The following ACOX3 variants were observed in gnomAD, a reference collection of about 807,000 sequenced individuals.
ACOX3 encodes peroxisomal acyl-coenzyme A oxidase 3.
In ACOX3, 73 loss-of-function variants were observed where a neutral mutation model predicts 81.5. The ratio of observed to expected loss-of-function variants is 0.90; its 90% CI spans 0.74 to 1.09. ACOX3 has a LOEUF of 1.09. ACOX3 is among the 50% of genes least tolerant of loss of function. ACOX3 has a pLI of 0.00. For missense variants in ACOX3, 947 were observed against 928.0 expected, an observed-to-expected ratio of 1.02 and a Z score of -0.27; for synonymous variants, 387 against 375.1, an observed-to-expected ratio of 1.03 and a Z score of -0.37.
chr4:8,410,472 G>T, intron 5 of ACOX3, 117 bp from the exon 6 acceptor site: 2 of 1,338,390 alleles, frequency 1.5e-6, no homozygotes, highest in Non-Finnish European at 2.1e-6. Context: ...GGCAAGAGTT[G>T]AAACTAATCG....
At chr4:8,395,423 G>A (rs1210654974) in intron 9 of ACOX3, among the ~76,000 whole-genome samples, 1 of 149,914 alleles carries the variant, frequency 6.7e-6, no homozygotes, top group African/African-American at 2.5e-5. Flanking sequence ...TGGGTGGGTG[G>A]CTGGGTACAT....
chr4:8,438,793 T>A (rs1724396732), intron 1 of ACOX3: 1 of 152,192 alleles, frequency 6.6e-6, no homozygotes, highest in Non-Finnish European at 1.5e-5. Context: ...GTGTCTTAGA[T>A]CCATCACAGT....
Position 8,370,343 on chromosome 4 carries a change from C to T in ACOX3, c.1983+565G>A, listed in dbSNP as rs1487651023. ...TCGAGGAGGCTGGTGGAGGCTCCCT[C>T]AGGGGGGCGGCCTGACCCCATCTGC... On this transcript the variant is annotated intron_variant, in intron 17 of 17. Coordinates refer to ENST00000356406, the MANE Select transcript of ACOX3 (RefSeq NM_003501.3). This position sits in a 1 kb window ranked among gnomAD's most constrained non-coding sequence, Gnocchi z 6.3. 6.6e-6 allele frequency among the ~76,000 whole-genome samples: 1 copy of T among 151,982 alleles called. No individual in the cohort carries two copies. The highest frequency in any genetic ancestry group is 2.4e-5 in the African/African-American group (1 of 41,416).
In ACOX3 at chr4:8,431,674, G is replaced by A. The variant is rs888597712; in HGVS notation, c.-15+8974C>T. 8.5e-5 allele frequency among the ~76,000 whole-genome samples: 13 copies of A among 152,250 alleles called. No individual in the cohort carries two copies. The highest frequency in any genetic ancestry group is 3.1e-4 in the African/African-American group (13 of 41,468). ...GGAGCTGCACGTGGACCCCTAGTGTGAACAGTAGGGGTGGGGTGAGTGTCA... is the reference window on the plus strand; with the variant it reads ...GGAGCTGCACGTGGACCCCTAGTGTAAACAGTAGGGGTGGGGTGAGTGTCA... On this transcript the variant is annotated intron_variant, in intron 1 of 17. Transcript: ENST00000356406. The surrounding 1 kb of genome is among the most constrained non-coding windows in gnomAD (Gnocchi z 5.3).
intron 7 of ACOX3, among the ~76,000 whole-genome samples, chr4:8,402,060 T>C (rs920507656): frequency 1.3e-5 from 2 of 152,036 alleles, no homozygotes; most frequent in African/African-American, 4.8e-5. Flanking sequence ...GTAAGTGGCA[T>C]GGTATGAACA....
rs1260742895 is a variant in ACOX3 at position 8,436,853 on chromosome 4, G to A, written c.-15+3795C>T. Among the ~76,000 whole-genome samples the A allele has an allele frequency of 4.0e-5, 6 of 149,320 alleles. No individual in the cohort carries two copies. In the East Asian group the frequency reaches 5.9e-4, roughly 15 times the overall value. ...AAAAACACAAAAAAATTAGCTGGGC[G>A]TGGTGGCGGGTAGCTGTAGTCCCAG... On this transcript the variant is annotated intron_variant, in intron 1 of 17. Transcript: ENST00000356406.
chr4:8,415,744 C>T (rs1189328609), intron 3 of ACOX3, 22 bp downstream of exon 3: 1 of 1,608,264 alleles, frequency 6.2e-7, no homozygotes, highest in African/African-American at 1.3e-5. Flanking sequence ...CCGTTTCCCT[C>T]TCCCCTAGGC....
At chr4:8,415,691 G>T in intron 3 of ACOX3, 75 bp downstream of exon 3, 1 of 1,313,558 alleles carries the variant, frequency 7.6e-7, no homozygotes, top group Non-Finnish European at 1.1e-6. Context: ...CTCTTGGTTG[G>T]CCCTGGGACA....
At chr4:8,360,240 G>A in the ACOX3 span, among the ~76,000 whole-genome samples, 1 of 152,184 alleles carries the variant, frequency 6.6e-6, no homozygotes, top group African/African-American at 2.4e-5. Context: ...GTTTATGAAT[G>A]AAAGAGCTTT....
At chr4:8,375,267 A>G (rs1716797030) in intron 14 of ACOX3, 115 bp from the exon 15 acceptor site, 1 of 1,055,236 alleles carries the variant, frequency 9.5e-7, no homozygotes, top group African/African-American at 1.6e-5. Flanking sequence ...TGCATGTCCT[A>G]GGACAGTAAC....
At chr4:8,362,169 T>G (rs779249657), downstream of ACOX3, among the ~76,000 whole-genome samples, 1 of 152,202 alleles carries the variant, frequency 6.6e-6, no homozygotes, top group Non-Finnish European at 1.5e-5. Flanking sequence ...CTTTGGAAAT[T>G]GTGATATTAG....
At chr4:8,392,197 T>C in intron 11 of ACOX3, 136 bp downstream of exon 11, 1 of 1,170,292 alleles carries the variant, frequency 8.5e-7, no homozygotes, top group East Asian at 2.8e-5. Flanking sequence ...GCTGGCTGTG[T>C]TCCAATAAAA....
intron 14 of ACOX3, among the ~76,000 whole-genome samples, chr4:8,379,858 C>T (rs1348119989): frequency 1.3e-5 from 2 of 151,612 alleles, no homozygotes; most frequent in South Asian, 2.1e-4. Context: ...TGATCACGGC[C>T]TACTGCAGCC....
In ACOX3 at chr4:8,386,565, C is replaced by CA. The variant is rs567670556; in HGVS notation, c.1537+2607dup. On this transcript the variant is annotated intron_variant, in intron 13 of 17. Transcript: ENST00000356406. This position sits in a 1 kb window ranked among gnomAD's most constrained non-coding sequence, Gnocchi z 5.2. ...TGGGCGACAGAGCGAGACTCCGTCT[C>CA]AAAAAAAAAAAAAAAAAGAAAGTGA... 0.032 allele frequency among the ~76,000 whole-genome samples: 2,070 copies of CA among 64,220 alleles called. 15 individuals are homozygous for CA. The highest frequency in any genetic ancestry group is 0.058 in the South Asian group (113 of 1,932). 42.1% of individuals were successfully genotyped at this position (64,220 alleles called of 152,430 possible).
At position 8,404,821 on chromosome 4, in the gene ACOX3, T is replaced by C. The variant is rs75667188; in HGVS notation, c.776+1134A>G. Among the ~76,000 whole-genome samples the C allele has an allele frequency of 3.8e-3, 586 of 152,270 alleles. 25 individuals are homozygous for C. The East Asian group carries it at 0.1, about 26-fold the overall frequency. On this transcript the variant is annotated intron_variant, in intron 7 of 17. Coordinates refer to ENST00000356406, the MANE Select transcript of ACOX3 (RefSeq NM_003501.3). ...CATATCTAGAAACACTCCTGAGACATCTTTCAGGCTATCAGGCTCAGGCAT... is the reference window on the plus strand; with the variant it reads ...CATATCTAGAAACACTCCTGAGACACCTTTCAGGCTATCAGGCTCAGGCAT...
chr4:8,394,836 G>C lies in ACOX3; in HGVS notation c.1057-94C>G. 6.7e-7 allele frequency: 1 copy of C among 1,483,478 alleles called. No individual in the cohort carries two copies. The highest frequency in any genetic ancestry group is 9.0e-7 in the Non-Finnish European group (1 of 1,106,748). The allele number at this position is 1,483,478 out of a possible 1,614,324, so 91.9% of individuals were successfully genotyped here. A position where few individuals can be genotyped will look rare whatever the true frequency, so the allele number is the denominator to read the frequency against. ...ATGAAAGCCAGTGCAGGGAGAGGCC[G>C]TCAGGGCCACACACCCACTAGCGCT... is the stretch of plus-strand genomic sequence containing the variant. On this transcript the variant is annotated intron_variant, in intron 9 of 17. Transcript: ENST00000356406. The surrounding 1 kb of genome is among the most constrained non-coding windows in gnomAD (Gnocchi z 5.9).
intron 1 of ACOX3, chr4:8,428,515 C>T (rs1723740341): frequency 6.6e-6 from 1 of 152,298 alleles, no homozygotes; most frequent in African/African-American, 2.4e-5. Flanking sequence ...GGCGCCCTGA[C>T]GTCATCGAAC....
In ACOX3 at chr4:8,378,561, C is replaced by G. The variant is rs1468144475; in HGVS notation, c.1653+2931G>C. Among the ~76,000 whole-genome samples, 3 of 151,538 alleles carry G rather than the reference C, an allele frequency of 2.0e-5. No individual in the cohort carries two copies. The East Asian group carries it at 5.8e-4, about 29-fold the overall frequency. The stretch of plus-strand genomic sequence containing the variant: ...GAAGCAGGCTGCAGGGACGCCACCG[C>G]CCATCTTTTTACTCCCAGGCTGGAG... On this transcript the variant is annotated intron_variant, in intron 14 of 17. Coordinates refer to ENST00000356406, the MANE Select transcript of ACOX3 (RefSeq NM_003501.3).
chr4:8,393,572 G>A lies in ACOX3; in HGVS notation c.1179+1048C>T. Among the ~76,000 whole-genome samples the A allele has an allele frequency of 1.3e-5, 2 of 148,940 alleles. 1 individual carries two copies. The highest frequency in any genetic ancestry group is 1.3e-4 in the Admixed American group (2 of 15,010). On this transcript the variant is annotated intron_variant, in intron 10 of 17. Coordinates refer to ENST00000356406, the MANE Select transcript of ACOX3 (RefSeq NM_003501.3). ...AGAATTTTTAATTTTAAAAAAGAAA[G>A]ACAATTAAAAAGGAAAAACAATTAA...
Sources: allele counts gnomAD v4.1 joint callset (sites outside exome capture counted in the v4.1 genomes callset), GRCh38; gene constraint gnomAD v4.1.1; non-coding constraint Gnocchi (gnomAD v3.1); transcripts MANE v1.5; gene names NCBI Gene and HGNC (gene_info 2026-07-23, HGNC 2026-07-21).